TRMT1L: variants seen among roughly 807,000 people sequenced by gnomAD.
TRMT1L encodes tRNA methyltransferase 1L.
A neutral mutation model predicts 81.6 loss-of-function variants in TRMT1L; 28 were observed. That is an observed-to-expected ratio of 0.34 (90% CI 0.25 to 0.47). The LOEUF (loss-of-function observed/expected upper bound fraction) is 0.47, where lower values mean the gene tolerates loss of function less well. Among genes scored for constraint, TRMT1L ranks in the 20% least tolerant of loss-of-function variants. TRMT1L has a pLI of 1.00. For synonymous variants in TRMT1L, 301 were observed against 303.2 expected (o/e 0.99, Z 0.07); for missense variants, 739 against 877.1 (o/e 0.84, Z 1.99).
intron 11 of TRMT1L, among the ~76,000 whole-genome samples, chr1:185,128,143 T>C (rs1487076174): frequency 6.6e-6 from 1 of 151,914 alleles, no homozygotes; most frequent in Non-Finnish European, 1.5e-5. Flanking sequence ...AAAAAACCAA[T>C]TCAACTTTAA....
intron 11 of TRMT1L, among the ~76,000 whole-genome samples, chr1:185,128,313 C>CTTT (rs1652684641): frequency 6.6e-6 from 1 of 152,140 alleles, no homozygotes; most frequent in Non-Finnish European, 1.5e-5. Context: ...TGAGTTGGCT[C>CTTT]TTCTATAAAA....
At chr1:185,135,114 G>A (rs929690543) in intron 10 of TRMT1L, among the ~76,000 whole-genome samples, 2 of 152,012 alleles carry the variant, frequency 1.3e-5, no homozygotes, top group African/African-American at 4.8e-5. Context: ...ACTAAAAATA[G>A]ACATTAAGAA....
At chr1:185,136,224 C>T (rs1251948409) in intron 10 of TRMT1L, among the ~76,000 whole-genome samples, 2 of 151,946 alleles carry the variant, frequency 1.3e-5, no homozygotes, top group Non-Finnish European at 2.9e-5. Context: ...AGCCAGCAAA[C>T]ATGGTGAAAC....
chr1:185,149,436 G>C (rs1455417564), intron 3 of TRMT1L, among the ~76,000 whole-genome samples: 1 of 151,674 alleles, frequency 6.6e-6, no homozygotes, highest in Non-Finnish European at 1.5e-5. Context: ...TCTAGCAGTT[G>C]CAACTACAGG....
chr1:185,120,990 T>C (rs948954324), intron 13 of TRMT1L: 1 of 152,292 alleles, frequency 6.6e-6, no homozygotes, highest in Non-Finnish European at 1.5e-5. Flanking sequence ...AGTGGGTCTT[T>C]AGTAATCACA....
chr1:185,156,098 T>C (rs1653537267), intron 1 of TRMT1L, among the ~76,000 whole-genome samples: 2 of 152,238 alleles, frequency 1.3e-5, no homozygotes, highest in South Asian at 4.1e-4. Context: ...CCTCGGTTAC[T>C]ATGTCACATT....
intron 5 of TRMT1L, 73 bp from the exon 6 acceptor site, chr1:185,144,102 C>T (rs1653122763): frequency 1.5e-6 from 2 of 1,369,854 alleles, no homozygotes; most frequent in Non-Finnish European, 2.0e-6. Context: ...CAAGAAAACA[C>T]AAAATAATTG....
intron 10 of TRMT1L, among the ~76,000 whole-genome samples, chr1:185,134,066 T>C (rs1258493328): frequency 6.6e-6 from 1 of 152,172 alleles, no homozygotes; most frequent in Admixed American, 6.5e-5. Flanking sequence ...ATTATAAACA[T>C]GTTATTTAGA....
intron 5 of TRMT1L, among the ~76,000 whole-genome samples, chr1:185,144,984 A>G (rs186458303): frequency 7.9e-5 from 12 of 152,046 alleles, no homozygotes; most frequent in Non-Finnish European, 1.8e-4. Flanking sequence ...TTCATTACAT[A>G]TAATACATGC....
At chr1:185,130,024 A>G (rs1239444826) in intron 10 of TRMT1L, among the ~76,000 whole-genome samples, 1 of 152,228 alleles carries the variant, frequency 6.6e-6, no homozygotes, top group Non-Finnish European at 1.5e-5. Context: ...CAAATGAATT[A>G]TTAATCAGTT....
Position 185,143,432 on chromosome 1 carries a change from G to T in TRMT1L, c.784C>A (p.Leu262Ile), listed in dbSNP as rs1396983278. The T allele has an allele frequency of 6.2e-7, 1 of 1,606,932 alleles. No individual in the cohort carries two copies. The highest frequency in any genetic ancestry group is 1.7e-5 in the Admixed American group (1 of 59,038). ...FNPKMKLNRQ[L>I]IFCTLAALAE... ...AAAGCAGCCAATGTACAGAATATTA[G>T]CTGCCTAGAAGGAAATCATAATCTG... The change falls in exon 7 of 15, where the codon CTA (leucine) becomes ATA (isoleucine). Residue 262 changes from leucine to isoleucine, a missense_variant. By Grantham distance (5) the Leu-to-Ile change is conservative (BLOSUM62 2). Transcript: ENST00000367506.
intron 4 of TRMT1L, 25 bp downstream of exon 4, chr1:185,147,157 A>AT: frequency 1.3e-6 from 2 of 1,552,872 alleles, no homozygotes; most frequent in Non-Finnish European, 1.8e-6. Flanking sequence ...AAATTTAAAA[A>AT]TAAAAAAATC....
At chr1:185,124,795 C>A (rs1264656420) in intron 12 of TRMT1L, 149 bp downstream of exon 12, 11 of 634,602 alleles carry the variant, frequency 1.7e-5, no homozygotes, top group African/African-American at 3.8e-5. Context: ...TAAAAAAAAA[C>A]CAGAGGATCA....
At chr1:185,151,729 T>C in intron 2 of TRMT1L, 96 bp downstream of exon 2, 1 of 778,216 alleles carries the variant, frequency 1.3e-6, no homozygotes, top group Non-Finnish European at 2.0e-6. Flanking sequence ...TCAGTAAGAA[T>C]AAACAAGTCT....
chr1:185,120,406 G>A lies in TRMT1L; in HGVS notation c.1926C>T (p.Ser642=). Residue 642 remains serine (S), a synonymous_variant, in exon 14 of 15, where the codon AGC becomes AGT. Transcript: ENST00000367506. ...ACTTTGGCATATTCATTCCTTTAAT[G>A]CTGTGTCTGTGAATGTTGTAATAAA... ...PPFYYNIHRH[S]IKGMNMPKLK... 6.3e-7 allele frequency: 1 copy of A among 1,595,402 alleles called. No homozygotes were observed. The highest frequency in any genetic ancestry group is 2.3e-5 in the East Asian group (1 of 43,998).
intron 1 of TRMT1L, among the ~76,000 whole-genome samples, chr1:185,155,053 T>C (rs1312528247): frequency 6.6e-6 from 1 of 152,270 alleles, no homozygotes; most frequent in African/African-American, 2.4e-5. Context: ...GATTAATATA[T>C]GTATTAGTTC....
chr1:185,152,926 A>G (rs2102261433), intron 1 of TRMT1L, among the ~76,000 whole-genome samples: 1 of 152,290 alleles, frequency 6.6e-6, no homozygotes, highest in Non-Finnish European at 1.5e-5. Context: ...GGAGCTCAGG[A>G]GGGATTCTAG....
chr1:185,154,703 G>C (rs1653446604), intron 1 of TRMT1L, among the ~76,000 whole-genome samples: 2 of 152,264 alleles, frequency 1.3e-5, no homozygotes, highest in South Asian at 4.1e-4. Flanking sequence ...AAAATCCTGT[G>C]GTCTACTACT....
intron 5 of TRMT1L, 103 bp downstream of exon 5, chr1:185,145,336 G>T (rs937576390): frequency 2.4e-6 from 3 of 1,273,222 alleles, no homozygotes; most frequent in East Asian, 2.4e-5. Context: ...TAAATCATTT[G>T]GTTAAATCAG....
Sources: allele counts gnomAD v4.1 joint callset (sites outside exome capture counted in the v4.1 genomes callset), GRCh38; gene constraint gnomAD v4.1.1; transcripts MANE v1.5; gene names NCBI Gene and HGNC (gene_info 2026-07-23, HGNC 2026-07-21).